Variants in WNK2 observed in about 807,000 individuals in gnomAD.
The protein encoded by WNK2 is WNK lysine deficient protein kinase 2, also known as serine/threonine-protein kinase WNK2.
A neutral mutation model predicts 192.1 loss-of-function variants in WNK2; 67 were observed. The ratio of observed to expected loss-of-function variants is 0.35; its 90% confidence interval spans 0.29 to 0.43. The LOEUF is 0.43. Among genes scored for constraint, WNK2 ranks in the 20% least tolerant of loss-of-function variants. The pLI is 1.00. For synonymous variants in WNK2, 1,439 were observed against 1,393.9 expected, an observed-to-expected ratio of 1.03 and a Z score of -0.72; for missense variants, 2,698 against 3,089.7, an observed-to-expected ratio of 0.87 and a Z score of 3.01.
At chr9:93,224,622 T>G (rs1230023307) in intron 2 of WNK2, among the ~76,000 whole-genome samples, 9 of 152,260 alleles carry the variant, frequency 5.9e-5, no homozygotes, top group Non-Finnish European at 1.5e-5. Context: ...CTAGAGCAAA[T>G]AAGAGCTGGC....
intron 2 of WNK2, among the ~76,000 whole-genome samples, chr9:93,211,794 C>CA (rs1213404740): frequency 1.3e-5 from 2 of 152,122 alleles, no homozygotes; most frequent in Non-Finnish European, 2.9e-5. Context: ...CTCATCCACT[C>CA]AGTCACTTTT....
chr9:93,293,844 C>G (rs1034041253), intron 23 of WNK2, among the ~76,000 whole-genome samples: 1 of 152,002 alleles, frequency 6.6e-6, no homozygotes, highest in African/African-American at 2.4e-5. Context: ...CTCTCTCTCT[C>G]CCCTTTCATT....
chr9:93,189,597 T>C (rs943256046), intron 2 of WNK2, among the ~76,000 whole-genome samples: 1 of 152,202 alleles, frequency 6.6e-6, no homozygotes, highest in African/African-American at 2.4e-5. Context: ...GGAGACTCGC[T>C]GAGTATGGCC....
intron 29 of WNK2, chr9:93,318,432 G>A: frequency 1.2e-6 from 2 of 1,614,138 alleles, no homozygotes; most frequent in South Asian, 2.2e-5. Context: ...GGACGCTGGG[G>A]CAGGGCACAC....
At chr9:93,273,694 C>T (rs1564144630) in intron 19 of WNK2, among the ~76,000 whole-genome samples, 2 of 152,194 alleles carry the variant, frequency 1.3e-5, no homozygotes, top group African/African-American at 4.8e-5. Context: ...TTATAGAACA[C>T]TCCACTCAAA....
At chr9:93,243,566 C>T (rs1254215980) in intron 7 of WNK2, among the ~76,000 whole-genome samples, 4 of 152,196 alleles carry the variant, frequency 2.6e-5, no homozygotes, top group Non-Finnish European at 5.9e-5. Context: ...AGCTAAAGCA[C>T]AACAATAAAC....
At chr9:93,242,418 T>C (rs975181854) in intron 7 of WNK2, among the ~76,000 whole-genome samples, 1 of 152,208 alleles carries the variant, frequency 6.6e-6, no homozygotes, top group Non-Finnish European at 1.5e-5. Flanking sequence ...GACCATGTGG[T>C]GCACAGAGGT....
chr9:93,266,273 C>T (rs1283362841), intron 16 of WNK2, among the ~76,000 whole-genome samples: 1 of 152,174 alleles, frequency 6.6e-6, no homozygotes, highest in Non-Finnish European at 1.5e-5. Flanking sequence ...GGTTAGAGGT[C>T]GGCAGGCCTT....
Position 93,209,635 on chromosome 9 carries a change from G to A in WNK2, c.682-20061G>A, listed in dbSNP as rs1409337821. ...CTTAAAGTAGAAGGGGCAGCTCCCA[G>A]GGCTGTGCTTGGGTGGAAGGAACAA... On this transcript the variant is annotated intron_variant, in intron 2 of 29. Transcript: ENST00000427277. 2.0e-5 allele frequency among the ~76,000 whole-genome samples: 3 copies of A among 152,228 alleles called. No homozygotes were observed. In the South Asian group the frequency reaches 6.2e-4, roughly 31 times the overall value.
chr9:93,185,424 C>G lies in WNK2; in HGVS notation c.495C>G (p.Pro165=). 1 of 1,610,986 alleles carries G rather than the reference C, an allele frequency of 6.2e-7. No homozygotes were observed. The highest frequency in any genetic ancestry group is 8.5e-7 in the Non-Finnish European group (1 of 1,179,240). ...DEGAAEAKPE[P]GRTRRDEPEE... ...GGGCGGCCGAGGCGAAGCCTGAGCC[C>G]GGGCGCACTCGCCGGGACGAGCCCG... The change falls in exon 2 of 30, where the codon CCC becomes CCG. Residue 165 remains proline (P), a synonymous_variant. Coordinates refer to ENST00000427277, the MANE Select transcript of WNK2 (RefSeq NM_006648.4).
At chr9:93,317,723 C>G (rs763944706) in intron 29 of WNK2, 92 bp downstream of exon 29, 1 of 1,510,498 alleles carries the variant, frequency 6.6e-7, no homozygotes, top group Non-Finnish European at 9.0e-7. Flanking sequence ...CCTGGGGGCC[C>G]TGGGCAGGCC....
At chr9:93,318,706 T>C (rs745649906) in intron 29 of WNK2, 435 of 1,463,226 alleles carry the variant, frequency 3.0e-4, no homozygotes, top group Non-Finnish European at 3.7e-4. Context: ...GTGGCTCTGC[T>C]CACCCCTGGC....
chr9:93,309,451 T>C (rs574707598), intron 28 of WNK2, among the ~76,000 whole-genome samples: 1 of 152,332 alleles, frequency 6.6e-6, no homozygotes, highest in South Asian at 2.1e-4. Context: ...AATTCTGCCT[T>C]TCTGACAATT....
Position 93,252,918 on chromosome 9 carries a change from G to A in WNK2, c.1870G>A (p.Val624Met), listed in dbSNP as rs751183257. ...CTTCGACAGCGGCCAGGGCTCTACC[G>A]TGTACTCAGACTCGCAGAGCAGCCA... The part of the protein sequence containing the change: ...STFDSGQGST[V>M]YSDSQSSQQS... The change falls in exon 9 of 30, where the codon GTG (valine) becomes ATG (methionine). Residue 624 changes from valine (V) to methionine (M), a missense_variant. By Grantham distance (21) the Val-to-Met change is conservative. Coordinates refer to ENST00000427277, the MANE Select transcript of WNK2 (RefSeq NM_006648.4). 55 of 1,566,320 alleles carry A rather than the reference G, an allele frequency of 3.5e-5. 1 individual carries two copies. Among genetic ancestry groups the A allele is most frequent in the South Asian group, 2.0e-4 (17 of 84,418 alleles).
At chr9:93,244,319 G>A (rs1231846190) in intron 7 of WNK2, among the ~76,000 whole-genome samples, 1 of 152,214 alleles carries the variant, frequency 6.6e-6, no homozygotes, top group African/African-American at 2.4e-5. Flanking sequence ...GCTCTGTGGG[G>A]CCTGGGCCAG....
Position 93,185,024 on chromosome 9 carries a change from A to T in WNK2, c.95A>T (p.Lys32Met). 1 of 1,254,786 alleles carries T rather than the reference A, an allele frequency of 8.0e-7. No individual in the cohort carries two copies. The highest frequency in any genetic ancestry group is 3.0e-5 in the South Asian group (1 of 33,262). 77.7% of individuals were successfully genotyped at this position (1,254,786 alleles called of 1,614,324 possible). A position where few individuals can be genotyped will look rare whatever the true frequency, so the allele number is the denominator to read the frequency against. ...GPAGMAEPRA[K>M]AARPGPQRFL... ...GCGGGCATGGCGGAGCCTCGGGCGA[A>T]GGCGGCGCGGCCGGGGCCCCAGCGC... The change falls in exon 2 of 30, where the codon AAG (lysine) becomes ATG (methionine). Residue 32 changes from lysine to methionine, a missense_variant. Physicochemically the swap from Lys to Met is moderately conservative, Grantham distance 95. Coordinates refer to ENST00000427277, the MANE Select transcript of WNK2 (RefSeq NM_006648.4).
At chr9:93,305,951 A>G (rs1852444156) in intron 26 of WNK2, among the ~76,000 whole-genome samples, 1 of 151,758 alleles carries the variant, frequency 6.6e-6, no homozygotes, top group Non-Finnish European at 1.5e-5. Context: ...TAGGATAAGC[A>G]GGGATGGCCG....
At chr9:93,305,082 C>T (rs368605864) in intron 26 of WNK2, among the ~76,000 whole-genome samples, 4 of 152,194 alleles carry the variant, frequency 2.6e-5, no homozygotes, top group African/African-American at 2.4e-5. Flanking sequence ...AGCCGGCAGC[C>T]GGCCTGTTTG....
chr9:93,261,781 C>T (rs1438429007), intron 12 of WNK2, 33 bp from the exon 13 acceptor site: 1 of 1,563,834 alleles, frequency 6.4e-7, no homozygotes, highest in Admixed American at 1.7e-5. Flanking sequence ...GCAGCGCCGG[C>T]CCTGACTTGC....
Sources: allele counts gnomAD v4.1 joint callset (sites outside exome capture counted in the v4.1 genomes callset), GRCh38; gene constraint gnomAD v4.1.1; transcripts MANE v1.5; gene names NCBI Gene and HGNC (gene_info 2026-07-23, HGNC 2026-07-21).